VSNL1: variants seen among roughly 807,000 people sequenced by gnomAD.
VSNL1 encodes visinin like 1.
A neutral mutation model predicts 20.4 loss-of-function variants in VSNL1; 6 were observed. That is an observed-to-expected ratio of 0.29 (90% CI 0.16 to 0.58). The LOEUF (loss-of-function observed/expected upper bound fraction) is 0.58. Ranked by LOEUF, VSNL1 falls within the 20% of genes least tolerant of loss-of-function variation. The pLI, the probability that VSNL1 is intolerant of heterozygous loss-of-function variation, is 0.90. For missense variants in VSNL1, 100 were observed against 234.5 expected, an observed-to-expected ratio of 0.43 and a Z score of 3.75; for synonymous variants, 93 against 86.4, an observed-to-expected ratio of 1.08 and a Z score of -0.42.
Position 17,649,667 on chromosome 2 carries a change from G to A in VSNL1, c.378+42G>A, listed in dbSNP as rs1345493827. ...GGTTGGCGGGTGGTGGGCACAGAAG[G>A]AGACCCCACGGCAGCCTCCTAGGTG... On this transcript the variant is annotated intron_variant, in intron 3 of 3. Transcript: ENST00000295156. This position sits in a 1 kb window ranked among gnomAD's most constrained non-coding sequence, Gnocchi z 6.4. 1.3e-6 allele frequency: 2 copies of A among 1,599,800 alleles called. No individual in the cohort carries two copies. Among genetic ancestry groups the A allele is most frequent in the East Asian group, 2.2e-5 (1 of 44,776 alleles).
At chr2:17,612,445 C>T (rs1477919318) in intron 2 of VSNL1, among the ~76,000 whole-genome samples, 1 of 152,216 alleles carries the variant, frequency 6.6e-6, no homozygotes, top group Non-Finnish European at 1.5e-5. Flanking sequence ...GGTAATGGTT[C>T]TTATGGTTAG....
intron 1 of VSNL1, among the ~76,000 whole-genome samples, chr2:17,569,239 T>G (rs62131534): frequency 0.033 from 5,005 of 151,406 alleles, 87 homozygotes; most frequent in East Asian, 0.097. Context: ...CTCAGGAGGC[T>G]GAGGTTGCAG....
chr2:17,556,090 A>G (rs1004222795), intron 1 of VSNL1, among the ~76,000 whole-genome samples: 1 of 152,164 alleles, frequency 6.6e-6, no homozygotes, highest in African/African-American at 2.4e-5. Context: ...AACCAATACG[A>G]ACACATCTAT....
chr2:17,558,605 G>T (rs1185474498), intron 1 of VSNL1, among the ~76,000 whole-genome samples: 2 of 152,142 alleles, frequency 1.3e-5, no homozygotes, highest in Non-Finnish European at 2.9e-5. Flanking sequence ...TAGCCAAAAA[G>T]TGGCACATCT....
chr2:17,574,195 T>C (rs886452373), intron 1 of VSNL1, among the ~76,000 whole-genome samples: 4 of 151,962 alleles, frequency 2.6e-5, no homozygotes, highest in Non-Finnish European at 5.9e-5. Flanking sequence ...CCTATGTCTT[T>C]CTTTGATCCC....
chr2:17,612,991 C>T (rs1195513909), intron 2 of VSNL1, among the ~76,000 whole-genome samples: 1 of 152,198 alleles, frequency 6.6e-6, no homozygotes. Context: ...CTTTCCTCTC[C>T]TCAGCTCCTC....
chr2:17,592,274 C>G (rs1321512319), intron 2 of VSNL1, 38 bp downstream of exon 2: 1 of 1,602,894 alleles, frequency 6.2e-7, no homozygotes, highest in Non-Finnish European at 8.5e-7. Flanking sequence ...TTCCTTAGGC[C>G]AGAAACTATG....
chr2:17,575,930 A>G (rs1664203065), intron 1 of VSNL1, among the ~76,000 whole-genome samples: 1 of 152,222 alleles, frequency 6.6e-6, no homozygotes, highest in Admixed American at 6.5e-5. Context: ...ACTTGTTACC[A>G]TAGAAACTTG....
chr2:17,570,059 T>A (rs1664045418), intron 1 of VSNL1, among the ~76,000 whole-genome samples: 2 of 152,200 alleles, frequency 1.3e-5, no homozygotes, highest in South Asian at 4.1e-4. Flanking sequence ...AAGGAGACAT[T>A]TTGAAATCTT....
intron 2 of VSNL1, among the ~76,000 whole-genome samples, chr2:17,635,232 C>T (rs972675377): frequency 1.2e-4 from 18 of 152,286 alleles, no homozygotes; most frequent in Admixed American, 7.2e-4. Context: ...ATGGAACACT[C>T]AGGGCTCTGG....
rs553049053 is a variant in VSNL1, at chr2:17,604,501, C to T, written c.162+12265C>T. On this transcript the variant is annotated intron_variant, in intron 2 of 3. Coordinates refer to ENST00000295156, the MANE Select transcript of VSNL1 (RefSeq NM_003385.5). ...CACTTGCTTAGGGAGGAGGCCCTTC[C>T]TTGGCCTTTGTTTCTGCCACTTTCC... is the stretch of plus-strand genomic sequence containing the variant. 3.9e-5 allele frequency among the ~76,000 whole-genome samples: 6 copies of T among 152,346 alleles called. No homozygotes were observed. In the East Asian group the frequency reaches 9.7e-4, roughly 25 times the overall value.
intron 2 of VSNL1, among the ~76,000 whole-genome samples, chr2:17,639,301 C>T (rs1031785596): frequency 6.6e-6 from 1 of 152,242 alleles, no homozygotes; most frequent in Non-Finnish European, 1.5e-5. Context: ...ATGCATCCTA[C>T]ACATCCTGCA....
intron 1 of VSNL1, among the ~76,000 whole-genome samples, chr2:17,546,364 C>T (rs889079816): frequency 2.0e-4 from 30 of 151,802 alleles, no homozygotes; most frequent in Non-Finnish European, 3.1e-4. Flanking sequence ...ATTTCTTAGG[C>T]TCTGAAAGAC....
intron 1 of VSNL1, among the ~76,000 whole-genome samples, chr2:17,591,408 A>G (rs1197443893): frequency 1.3e-5 from 2 of 152,256 alleles, no homozygotes; most frequent in Admixed American, 1.3e-4. Context: ...AATAATATCA[A>G]CAAAAACTCC....
intron 1 of VSNL1, among the ~76,000 whole-genome samples, chr2:17,560,707 A>G (rs765907029): frequency 6.6e-6 from 1 of 152,216 alleles, no homozygotes; most frequent in African/African-American, 2.4e-5. Context: ...GGAAATAAGC[A>G]ATCAAGAAGC....
chr2:17,619,825 G>C (rs1041616124), intron 2 of VSNL1, among the ~76,000 whole-genome samples: 3 of 151,484 alleles, frequency 2.0e-5, no homozygotes, highest in Non-Finnish European at 4.4e-5. Context: ...AATGGTACTA[G>C]ACACCGGGGA....
intron 2 of VSNL1, among the ~76,000 whole-genome samples, chr2:17,624,771 ACCCATGTCAGACTTCCAACT>A (rs1665468224): frequency 6.6e-6 from 1 of 152,230 alleles, no homozygotes; most frequent in South Asian, 2.1e-4. Context: ...CCCAGAGAAG[ACCCATGTCAGACTTCCAACT>A]CCCAGAACTA....
At position 17,649,502 on chromosome 2, in the gene VSNL1, C is replaced by T. The variant is rs1666077972; in HGVS notation, c.255C>T (p.Phe85=). The T allele has an allele frequency of 9.3e-6, 15 of 1,614,200 alleles. No homozygotes were observed. The highest frequency in any genetic ancestry group is 1.3e-5 in the Non-Finnish European group (15 of 1,180,024). Reference sequence around the variant, plus strand: ...ACGGCACCATTGACTTCCGAGAGTTCATCTGCGCTCTGTCCATCACCTCCA... The same window carrying T: ...ACGGCACCATTGACTTCCGAGAGTTTATCTGCGCTCTGTCCATCACCTCCA... ...NGDGTIDFRE[F]ICALSITSRG... Residue 85 remains phenylalanine (F), a synonymous_variant, in exon 3 of 4, where the codon TTC becomes TTT. Coordinates refer to ENST00000295156, the MANE Select transcript of VSNL1 (RefSeq NM_003385.5). The surrounding 1 kb of genome is among the most constrained non-coding windows in gnomAD (Gnocchi z 6.4).
chr2:17,608,575 C>A (rs1035639957), intron 2 of VSNL1, among the ~76,000 whole-genome samples: 2 of 152,148 alleles, frequency 1.3e-5, no homozygotes, highest in African/African-American at 4.8e-5. Context: ...AGAGTTGTGG[C>A]TGTTGTCTGT....
Sources: gnomAD v4.1 joint callset for allele counts (sites outside exome capture counted in the v4.1 genomes callset) on GRCh38, gnomAD v4.1.1 for gene constraint, Gnocchi (gnomAD v3.1) non-coding constraint, MANE v1.5 for transcripts, NCBI Gene and HGNC (gene_info 2026-07-23, HGNC 2026-07-21) for gene names.